The following ARHGAP15 variants were observed in gnomAD, a reference collection of about 807,000 sequenced individuals.
ARHGAP15 encodes the protein Rho GTPase activating protein 15.
A neutral mutation model predicts 63.7 loss-of-function variants in ARHGAP15; 51 were observed. That is an observed-to-expected ratio of 0.80 (90% CI 0.64 to 1.01). ARHGAP15 has a LOEUF of 1.01. Ranked by LOEUF, ARHGAP15 falls within the 50% of genes least tolerant of loss-of-function variation. The probability of loss-of-function intolerance (pLI) is 0.00; values close to 1 mark genes in which losing one functional copy is unlikely to be tolerated. For missense variants in ARHGAP15, 560 were observed against 564.6 expected, an observed-to-expected ratio of 0.99 and a Z score of 0.08; for synonymous variants, 191 against 193.8, an observed-to-expected ratio of 0.99 and a Z score of 0.12.
chr2:143,441,888 G>A (rs887842284), intron 8 of ARHGAP15, among the ~76,000 whole-genome samples: 3 of 152,062 alleles, frequency 2.0e-5, no homozygotes, highest in Admixed American at 2.0e-4. Context: ...CCAAATCTAC[G>A]TTCTCTTAAT....
chr2:143,173,424 T>C (rs554285959), intron 2 of ARHGAP15, among the ~76,000 whole-genome samples: 6 of 152,226 alleles, frequency 3.9e-5, no homozygotes, highest in African/African-American at 1.4e-4. Context: ...ACTTTTAACT[T>C]TCCCATAAAC....
rs549941154 is a variant in ARHGAP15, at chr2:143,396,079, A to G, written c.475-39522A>G. Among the ~76,000 whole-genome samples the G allele has an allele frequency of 7.9e-5, 12 of 152,204 alleles. No individual in the cohort carries two copies. The East Asian group carries it at 1.9e-3, about 24-fold the overall frequency. ...TGGAACTGTTGGTCTTTGTCACTAC[A>G]CCCTAGACACTGTCAGCTTCTGAGC... is the stretch of plus-strand genomic sequence containing the variant. On this transcript the variant is annotated intron_variant, in intron 6 of 13. Transcript: ENST00000295095.
chr2:143,278,202 C>T lies in ARHGAP15; in HGVS notation c.474+27602C>T, dbSNP rs181412406. On this transcript the variant is annotated intron_variant, in intron 6 of 13. Coordinates refer to ENST00000295095, the MANE Select transcript of ARHGAP15 (RefSeq NM_018460.4). Reference sequence around the variant, plus strand: ...ATCCCGTGTCACCTTCTCTCACTCACGGCTGCATGTTGCCTATTGCCGGTC... The same window carrying T: ...ATCCCGTGTCACCTTCTCTCACTCATGGCTGCATGTTGCCTATTGCCGGTC... Among the ~76,000 whole-genome samples the T allele has an allele frequency of 5.8e-4, 89 of 152,260 alleles. 1 individual carries two copies. The highest frequency in any genetic ancestry group is 5.4e-3 in the South Asian group (26 of 4,824).
chr2:143,720,175 T>C (rs981774476), intron 13 of ARHGAP15, among the ~76,000 whole-genome samples: 10 of 152,198 alleles, frequency 6.6e-5, no homozygotes, highest in African/African-American at 2.4e-4. Context: ...GAGAGAGCGT[T>C]TTGTTCGTCA....
chr2:143,233,639 T>G (rs537830570), intron 5 of ARHGAP15, among the ~76,000 whole-genome samples: 3 of 150,922 alleles, frequency 2.0e-5, no homozygotes, highest in Non-Finnish European at 4.4e-5. Flanking sequence ...AAATTTCCAA[T>G]AGCTATCTTT....
chr2:143,501,492 A>G (rs906198536), intron 9 of ARHGAP15, among the ~76,000 whole-genome samples: 48 of 152,248 alleles, frequency 3.2e-4, no homozygotes, highest in Admixed American at 3.9e-4. Flanking sequence ...CATAATTACC[A>G]GTTGAAGAAG....
chr2:143,646,801 T>G (rs1680901699), intron 12 of ARHGAP15, among the ~76,000 whole-genome samples: 1 of 152,076 alleles, frequency 6.6e-6, no homozygotes, highest in Non-Finnish European at 1.5e-5. Flanking sequence ...ATGCAGTAGA[T>G]GCTCTGACCA....
rs184567159 is a variant in ARHGAP15, at chr2:143,350,543, G to C, written c.475-85058G>C. ...ATGAAATTATATATTTTGTGGGCTGGGTGTGGTGGCTCACGCATGTAATCC... is the reference window on the plus strand; with the variant it reads ...ATGAAATTATATATTTTGTGGGCTGCGTGTGGTGGCTCACGCATGTAATCC... On this transcript the variant is annotated intron_variant, in intron 6 of 13. Transcript: ENST00000295095. Among the ~76,000 whole-genome samples the C allele has an allele frequency of 2.2e-3, 338 of 151,668 alleles. 3 individuals carry two copies. The highest frequency in any genetic ancestry group is 7.8e-3 in the African/African-American group (324 of 41,350).
intron 6 of ARHGAP15, among the ~76,000 whole-genome samples, chr2:143,421,105 A>G (rs1688899007): frequency 6.6e-6 from 1 of 152,156 alleles, no homozygotes; most frequent in Non-Finnish European, 1.5e-5. Flanking sequence ...GAGGTATCTC[A>G]GATGTATTCC....
At chr2:143,176,501 G>T (rs1224482596) in intron 2 of ARHGAP15, among the ~76,000 whole-genome samples, 1 of 152,040 alleles carries the variant, frequency 6.6e-6, no homozygotes, top group African/African-American at 2.4e-5. Flanking sequence ...TTACATGATA[G>T]CAGAGGATGT....
intron 5 of ARHGAP15, among the ~76,000 whole-genome samples, chr2:143,233,496 A>C (rs1217917513): frequency 6.6e-6 from 1 of 151,952 alleles, no homozygotes; most frequent in Non-Finnish European, 1.5e-5. Flanking sequence ...ATTGCTCATA[A>C]TATTTTTCTC....
chr2:143,587,868 T>C (rs1697171026), intron 11 of ARHGAP15: 2 of 367,032 alleles, frequency 5.4e-6, no homozygotes, highest in South Asian at 4.7e-5. Flanking sequence ...TATTGAGTGA[T>C]AGAAGAGCAG....
intron 11 of ARHGAP15, among the ~76,000 whole-genome samples, chr2:143,602,972 C>T (rs1207831972): frequency 1.3e-5 from 2 of 152,120 alleles, no homozygotes; most frequent in Non-Finnish European, 2.9e-5. Context: ...TCTAATCTTG[C>T]CTATTTCAGC....
chr2:143,298,045 C>G (rs1296893529), intron 6 of ARHGAP15, among the ~76,000 whole-genome samples: 1 of 151,918 alleles, frequency 6.6e-6, no homozygotes, highest in Non-Finnish European at 1.5e-5. Context: ...GCCCTGGGTT[C>G]ATAGATATCA....
chr2:143,725,065 T>C lies in ARHGAP15; in HGVS notation c.1244+21541T>C, dbSNP rs555298725. On this transcript the variant is annotated intron_variant, in intron 13 of 13. Transcript: ENST00000295095. ...CCAAAGGATAACAATGTGGTGTCCA[T>C]TGTAATTTTAATACTAATTTTGTTG... Among the ~76,000 whole-genome samples, 8 of 152,344 alleles carry C rather than the reference T, an allele frequency of 5.3e-5. No homozygotes were observed. The South Asian group carries it at 8.3e-4, about 16-fold the overall frequency.
intron 5 of ARHGAP15, among the ~76,000 whole-genome samples, chr2:143,244,301 T>C (rs914467423): frequency 1.3e-5 from 2 of 151,722 alleles, no homozygotes; most frequent in East Asian, 1.9e-4. Flanking sequence ...CAAAAAGGAG[T>C]AGCAATGTGT....
intron 8 of ARHGAP15, among the ~76,000 whole-genome samples, chr2:143,447,777 G>A (rs78283268): frequency 1.3e-5 from 2 of 152,152 alleles, no homozygotes; most frequent in African/African-American, 2.4e-5. Context: ...GTCTGAGTGA[G>A]TGAGGAAACA....
At chr2:143,325,944 A>G (rs911400050) in intron 6 of ARHGAP15, among the ~76,000 whole-genome samples, 1 of 152,178 alleles carries the variant, frequency 6.6e-6, no homozygotes, top group African/African-American at 2.4e-5. Context: ...AATATTGCCC[A>G]CACTGATCTT....
intron 6 of ARHGAP15, among the ~76,000 whole-genome samples, chr2:143,287,438 G>C (rs1176537216): frequency 6.6e-6 from 1 of 151,848 alleles, no homozygotes; most frequent in East Asian, 1.9e-4. Context: ...TATCCCAGAT[G>C]TGTCATTGAA....
Sources: gnomAD v4.1 joint callset for allele counts (sites outside exome capture counted in the v4.1 genomes callset) on GRCh38, gnomAD v4.1.1 for gene constraint, MANE v1.5 for transcripts, NCBI Gene and HGNC (gene_info 2026-07-23, HGNC 2026-07-21) for gene names.